Variants in PIWIL4 observed in about 807,000 individuals in gnomAD.
The protein encoded by PIWIL4 is piwi like RNA-mediated gene silencing 4, also known as piwi-like protein 4.
In PIWIL4, 50 loss-of-function variants were observed where a neutral mutation model predicts 100.9. That is an observed-to-expected ratio of 0.50 (90% CI 0.39 to 0.63). The LOEUF (loss-of-function observed/expected upper bound fraction) is 0.63. Ranked by LOEUF, PIWIL4 falls within the 20% of genes least tolerant of loss-of-function variation. PIWIL4 has a pLI of 0.00. For synonymous variants in PIWIL4, 342 were observed against 367.5 expected (o/e 0.93, Z 0.79); for missense variants, 887 against 1,043.3 (o/e 0.85, Z 2.06).
chr11:94,608,463 A>G, intron 14 of PIWIL4, 120 bp from the exon 15 acceptor site: 1 of 792,438 alleles, frequency 1.3e-6, no homozygotes, highest in Non-Finnish European at 2.1e-6. Context: ...TCTCCCTTAC[A>G]CATAGCTTAA....
rs1394674678 is a variant in PIWIL4 at position 94,608,630 on chromosome 11, C to T, written c.1887C>T (p.Leu629=). The change falls in exon 15 of 20, where the codon CTC becomes CTT. Residue 629 remains leucine (L), a synonymous_variant. Coordinates refer to ENST00000299001, the MANE Select transcript of PIWIL4 (RefSeq NM_152431.3). The part of the protein sequence containing the change: ...VVGIDVCKDA[L]SKDVMVVGCV... ...GTATTGATGTCTGTAAAGATGCACTCAGCAAGGACGTGATGGTTGTTGGAT... is the reference window on the plus strand; with the variant it reads ...GTATTGATGTCTGTAAAGATGCACTTAGCAAGGACGTGATGGTTGTTGGAT... The T allele has an allele frequency of 6.2e-7, 1 of 1,614,054 alleles. No homozygotes were observed. Among genetic ancestry groups the T allele is most frequent in the East Asian group, 2.2e-5 (1 of 44,894 alleles).
chr11:94,568,160 GT>G (rs1156560199), intron 1 of PIWIL4, among the ~76,000 whole-genome samples: 1 of 151,926 alleles, frequency 6.6e-6, no homozygotes, highest in African/African-American at 2.4e-5. Flanking sequence ...CAAATGAATA[GT>G]TTGTGGTCCT....
chr11:94,602,641 A>G (rs1173220535), intron 12 of PIWIL4, among the ~76,000 whole-genome samples: 3 of 152,232 alleles, frequency 2.0e-5, no homozygotes, highest in Non-Finnish European at 4.4e-5. Context: ...TGCTTTAGAA[A>G]AGCCATAAAG....
chr11:94,583,114 A>T (rs1413781653), intron 4 of PIWIL4, among the ~76,000 whole-genome samples: 1 of 151,256 alleles, frequency 6.6e-6, no homozygotes, highest in African/African-American at 2.4e-5. Context: ...TCAGACTCTC[A>T]AAATAATTTG....
At chr11:94,575,815 G>C (rs1948228713) in intron 3 of PIWIL4, among the ~76,000 whole-genome samples, 1 of 152,138 alleles carries the variant, frequency 6.6e-6, no homozygotes, top group South Asian at 2.1e-4. Flanking sequence ...ATGGGACCCA[G>C]CTGCCGTTTG....
intron 15 of PIWIL4, among the ~76,000 whole-genome samples, chr11:94,615,388 CTT>C (rs1565284641): frequency 6.6e-6 from 1 of 152,174 alleles, no homozygotes; most frequent in Admixed American, 6.5e-5. Flanking sequence ...AAGTGAATCT[CTT>C]TGTGTTACCC....
At chr11:94,598,567 C>T (rs911715176) in intron 11 of PIWIL4, among the ~76,000 whole-genome samples, 2 of 152,052 alleles carry the variant, frequency 1.3e-5, no homozygotes, top group African/African-American at 2.4e-5. Flanking sequence ...CCGTTTTGCC[C>T]ACTTTAAAAC....
At chr11:94,583,643 T>C (rs550272551) in intron 5 of PIWIL4, 74 bp downstream of exon 5, 5 of 1,580,314 alleles carry the variant, frequency 3.2e-6, no homozygotes, top group South Asian at 2.2e-5. Flanking sequence ...ATTAAAATAA[T>C]CGACCATTTT....
chr11:94,618,155 C>T (rs928818116), intron 17 of PIWIL4, 48 bp downstream of exon 17: 4 of 1,492,632 alleles, frequency 2.7e-6, no homozygotes, highest in Admixed American at 2.2e-5. Context: ...ATAGCATATT[C>T]AGCTGTAGCT....
At chr11:94,587,909 C>G (rs943687487) in intron 7 of PIWIL4, among the ~76,000 whole-genome samples, 3 of 108,706 alleles carry the variant, frequency 2.8e-5, no homozygotes, top group Non-Finnish European at 5.2e-5. Context: ...TTCCTGAGTA[C>G]TAAAAAGCTC....
intron 4 of PIWIL4, among the ~76,000 whole-genome samples, chr11:94,580,208 T>G (rs946776174): frequency 6.6e-6 from 1 of 152,182 alleles, no homozygotes; most frequent in African/African-American, 2.4e-5. Context: ...AACAGAATAG[T>G]GTTGTCTTAT....
chr11:94,572,448 C>T (rs1188425337), intron 2 of PIWIL4, among the ~76,000 whole-genome samples: 2 of 152,162 alleles, frequency 1.3e-5, no homozygotes, highest in East Asian at 3.9e-4. Context: ...TTTAATCCAT[C>T]TTGAATTAAT....
chr11:94,569,372 T>TG (rs1415160435), intron 2 of PIWIL4, among the ~76,000 whole-genome samples: 5 of 151,946 alleles, frequency 3.3e-5, no homozygotes, highest in East Asian at 1.9e-4. Context: ...TTTGTTTTTT[T>TG]TTTTTGTTTG....
intron 4 of PIWIL4, among the ~76,000 whole-genome samples, chr11:94,581,654 A>G (rs1591781115): frequency 6.6e-6 from 1 of 152,240 alleles, no homozygotes; most frequent in East Asian, 1.9e-4. Context: ...AGGTGGGAAG[A>G]GTAGTAAAGT....
At chr11:94,583,038 A>ATGTGTGTGTG (rs1185966279) in intron 4 of PIWIL4, among the ~76,000 whole-genome samples, 9 of 104,052 alleles carry the variant, frequency 8.6e-5, no homozygotes, top group African/African-American at 3.8e-4. Context: ...GTGTGTATAT[A>ATGTGTGTGTG]TATATATGTG....
chr11:94,601,474 A>T (rs1376756060), intron 11 of PIWIL4, among the ~76,000 whole-genome samples: 2 of 152,240 alleles, frequency 1.3e-5, no homozygotes, highest in African/African-American at 4.8e-5. Flanking sequence ...TAATAAAGGC[A>T]TAGATACTCA....
chr11:94,601,762 G>T, intron 11 of PIWIL4, 33 bp from the exon 12 acceptor site: 1 of 1,602,826 alleles, frequency 6.2e-7, no homozygotes, highest in Non-Finnish European at 8.5e-7. Flanking sequence ...GAATAAATTT[G>T]TTCAATCCTT....
At chr11:94,580,073 A>T (rs533497074) in intron 4 of PIWIL4, among the ~76,000 whole-genome samples, 14 of 152,344 alleles carry the variant, frequency 9.2e-5, no homozygotes, top group African/African-American at 3.1e-4. Flanking sequence ...TATGTGTCAA[A>T]CACCTTTCTG....
At chr11:94,606,833 CAAA>C (rs34989614) in intron 13 of PIWIL4, among the ~76,000 whole-genome samples, 3 of 102,822 alleles carry the variant, frequency 2.9e-5, no homozygotes, top group Non-Finnish European at 4.2e-5. Context: ...GACTCTGTCT[CAAA>C]AAAAAAAAAA....
Sources: allele counts gnomAD v4.1 joint callset (sites outside exome capture counted in the v4.1 genomes callset), GRCh38; gene constraint gnomAD v4.1.1; transcripts MANE v1.5; gene names NCBI Gene and HGNC (gene_info 2026-07-23, HGNC 2026-07-21).